LRRC9: variants seen among roughly 807,000 people sequenced by gnomAD.
The protein encoded by LRRC9 is leucine rich repeat containing 9.
A neutral mutation model predicts 63.2 loss-of-function variants in LRRC9; 122 were observed. The observed-to-expected ratio is 1.93, with a 90% CI of 1.67 to 2.24. The LOEUF (loss-of-function observed/expected upper bound fraction) is 2.24. Ranked by LOEUF, LRRC9 falls within the 30% of genes most tolerant of loss-of-function variation. LRRC9 has a pLI of 0.00. For synonymous variants in LRRC9, 366 were observed against 213.1 expected (o/e 1.72, Z -6.25); for missense variants, 1,071 against 627.7 (o/e 1.71, Z -7.55).
chr14:59,965,605 GC>G (rs1264368542), intron 10 of LRRC9, among the ~76,000 whole-genome samples: 1 of 151,990 alleles, frequency 6.6e-6, no homozygotes, highest in Non-Finnish European at 1.5e-5. Context: ...AGATACTGGG[GC>G]CGGGCGCGGT....
rs1295636199 is a variant in LRRC9 at position 60,057,865 on chromosome 14, T to G, written c.4132-13T>G. On this transcript the variant is annotated splice_polypyrimidine_tract_variant and intron_variant, in intron 30 of 31. Transcript: ENST00000445360. Reference sequence around the variant, plus strand: ...AGATGAGATGTTATTAACTGTTTTATTTTATTATGTAGCTTATTCCTGTTA... The same window carrying G: ...AGATGAGATGTTATTAACTGTTTTAGTTTATTATGTAGCTTATTCCTGTTA... 3.1e-6 allele frequency: 2 copies of G among 645,374 alleles called. No homozygotes were observed. Among genetic ancestry groups the G allele is most frequent in the Non-Finnish European group, 5.8e-6 (2 of 345,454 alleles). 40.0% of individuals were successfully genotyped at this position (645,374 alleles called of 1,614,324 possible). A position where few individuals can be genotyped will look rare whatever the true frequency, so the allele number is the denominator to read the frequency against.
chr14:59,939,923 G>T (rs1385684153), intron 7 of LRRC9, among the ~76,000 whole-genome samples: 1 of 151,984 alleles, frequency 6.6e-6, no homozygotes, highest in Non-Finnish European at 1.5e-5. Flanking sequence ...TAAAATATGA[G>T]AATTGAAAGC....
chr14:60,050,548 C>T (rs1893806995), intron 29 of LRRC9, among the ~76,000 whole-genome samples: 2 of 152,154 alleles, frequency 1.3e-5, no homozygotes, highest in Admixed American at 1.3e-4. Context: ...TATTACCCAC[C>T]TTCTGAAGCC....
Position 60,053,308 on chromosome 14 carries a change from G to A in LRRC9, c.4131+103G>A. Reference sequence around the variant, plus strand: ...AAATGTTTAAACCTATGGCGTTTTTGATAAGGATGATCTTAGTATCTATTT... The same window carrying A: ...AAATGTTTAAACCTATGGCGTTTTTAATAAGGATGATCTTAGTATCTATTT... On this transcript the variant is annotated intron_variant, in intron 30 of 31. Transcript: ENST00000445360. This position sits in a 1 kb window ranked among gnomAD's most constrained non-coding sequence, Gnocchi z 4.8. 1 of 586,632 alleles carries A rather than the reference G, an allele frequency of 1.7e-6. No individual in the cohort carries two copies. The highest frequency in any genetic ancestry group is 2.1e-5 in the South Asian group (1 of 47,068). The allele number at this position is 586,632 out of a possible 1,614,324, so 36.3% of individuals were successfully genotyped here. A position where few individuals can be genotyped will look rare whatever the true frequency, so the allele number is the denominator to read the frequency against.
Position 59,938,937 on chromosome 14 carries a change from A to G in LRRC9, c.726+365A>G, listed in dbSNP as rs1263089219. Among the ~76,000 whole-genome samples, 4 of 117,542 alleles carry G rather than the reference A, an allele frequency of 3.4e-5. No individual in the cohort carries two copies. The highest frequency in any genetic ancestry group is 6.9e-5 in the Non-Finnish European group (4 of 57,812). The allele number at this position is 117,542 out of a possible 152,430, so 77.1% of individuals were successfully genotyped here. ...CACATATGCATATATATACACATAT[A>G]TACATATACATACATATATACACAC... On this transcript the variant is annotated intron_variant, in intron 7 of 31. Transcript: ENST00000445360. The surrounding 1 kb of genome is among the most constrained non-coding windows in gnomAD (Gnocchi z 4.2).
At chr14:59,953,522 G>A (rs962179813) in intron 8 of LRRC9, among the ~76,000 whole-genome samples, 4 of 151,936 alleles carry the variant, frequency 2.6e-5, no homozygotes, top group African/African-American at 9.7e-5. Flanking sequence ...ATTTTTTCTT[G>A]TAAATTTGTT....
chr14:60,062,408 C>T (rs1009500281), intron 31 of LRRC9, among the ~76,000 whole-genome samples: 4 of 152,120 alleles, frequency 2.6e-5, no homozygotes, highest in African/African-American at 9.7e-5. Context: ...TGAGAAATGG[C>T]TATCAAGGTC....
intron 29 of LRRC9, among the ~76,000 whole-genome samples, chr14:60,036,440 C>T (rs1472194127): frequency 6.6e-6 from 1 of 152,182 alleles, no homozygotes; most frequent in Non-Finnish European, 1.5e-5. Flanking sequence ...ACTGAGGAAT[C>T]TTCCAGACCA....
intron 14 of LRRC9, among the ~76,000 whole-genome samples, chr14:59,977,707 G>C (rs1886456927): frequency 6.6e-6 from 1 of 151,724 alleles, no homozygotes; most frequent in South Asian, 2.1e-4. Context: ...AAGTGAAAAA[G>C]TATGAAAAGG....
At chr14:60,001,864 A>G (rs1266799730) in intron 19 of LRRC9, 102 bp from the exon 20 acceptor site, 2 of 430,336 alleles carry the variant, frequency 4.6e-6, no homozygotes, top group African/African-American at 4.1e-5. Context: ...ATAATTATTT[A>G]TTGGGCCACT....
chr14:59,994,978 C>G (rs952703456), intron 17 of LRRC9, among the ~76,000 whole-genome samples: 5 of 149,898 alleles, frequency 3.3e-5, no homozygotes, highest in Non-Finnish European at 1.5e-5. Flanking sequence ...CTGCACGTTG[C>G]GCACATGTAC....
intron 31 of LRRC9, among the ~76,000 whole-genome samples, chr14:60,059,480 C>T (rs1431912663): frequency 6.6e-6 from 1 of 152,108 alleles, no homozygotes; most frequent in African/African-American, 2.4e-5. Flanking sequence ...AAAGGTAGGC[C>T]TCTTGTATCA....
At chr14:60,048,713 G>A (rs160244) in intron 29 of LRRC9, among the ~76,000 whole-genome samples, 113,997 of 152,058 alleles carry the variant, frequency 0.75, 44,831 homozygotes, top group Non-Finnish European at 0.87. Context: ...AGAGGTACAA[G>A]GAAGAACTGG....
chr14:60,047,743 A>G (rs1430306562), intron 29 of LRRC9, among the ~76,000 whole-genome samples: 1 of 152,228 alleles, frequency 6.6e-6, no homozygotes, highest in Non-Finnish European at 1.5e-5. Flanking sequence ...TCATTGAGAC[A>G]GAAAATTAAC....
chr14:60,062,083 A>C (rs1894691213), intron 31 of LRRC9: 1 of 398,758 alleles, frequency 2.5e-6, no homozygotes, highest in South Asian at 1.3e-4. Flanking sequence ...GCTTTTCGGC[A>C]ACTCAGAGGG....
intron 12 of LRRC9, among the ~76,000 whole-genome samples, chr14:59,972,720 A>C (rs1359686783): frequency 6.6e-6 from 1 of 152,158 alleles, no homozygotes; most frequent in African/African-American, 2.4e-5. Flanking sequence ...GCATAATTTC[A>C]TAACAACTAC....
At position 59,919,884 on chromosome 14, in the gene LRRC9, G is replaced by C. The variant is rs1223428409; in HGVS notation, c.-34+1G>C. On this transcript the variant is annotated splice_donor_variant, in intron 1 of 31. Coordinates refer to ENST00000445360, the Ensembl canonical transcript of LRRC9. LOFTEE classifies it low-confidence loss of function (5UTR_SPLICE). This position sits in a 1 kb window ranked among gnomAD's most constrained non-coding sequence, Gnocchi z 4.5. ...AGTCACGTTCCGCGAACTGGCGAAG[G>C]TAAGTGAAAAGATAAGCGCAGGTAC... is the stretch of plus-strand genomic sequence containing the variant. 6.6e-6 allele frequency: 1 copy of C among 152,324 alleles called. No individual in the cohort carries two copies. The highest frequency in any genetic ancestry group is 1.5e-5 in the Non-Finnish European group (1 of 68,090). 9.4% of individuals were successfully genotyped at this position (152,324 alleles called of 1,614,324 possible). A position where few individuals can be genotyped will look rare whatever the true frequency, so the allele number is the denominator to read the frequency against.
downstream of LRRC9, among the ~76,000 whole-genome samples, chr14:60,064,994 C>G (rs1454851575): frequency 6.6e-6 from 1 of 152,122 alleles, no homozygotes; most frequent in Admixed American, 6.5e-5. Flanking sequence ...GCCATTTTTC[C>G]TATGGACTTT....
intron 7 of LRRC9, among the ~76,000 whole-genome samples, chr14:59,939,460 T>C (rs990496983): frequency 4.6e-5 from 7 of 151,936 alleles, no homozygotes; most frequent in Non-Finnish European, 1.0e-4. Flanking sequence ...AAGGATCCTT[T>C]TGAATAATGG....
Sources: allele counts gnomAD v4.1 joint callset (sites outside exome capture counted in the v4.1 genomes callset), GRCh38; gene constraint gnomAD v4.1.1; non-coding constraint Gnocchi (gnomAD v3.1); transcripts MANE v1.5; gene names NCBI Gene and HGNC (gene_info 2026-07-23, HGNC 2026-07-21).